Variants in FRMD4B observed in about 807,000 individuals in gnomAD.
FRMD4B encodes the protein FERM domain-containing protein 4B.
FRMD4B carries 74 observed loss-of-function variants against 141.5 expected under a neutral mutation model. That is an observed-to-expected ratio of 0.52 (90% CI 0.43 to 0.63). The LOEUF is 0.63. FRMD4B is among the 30% of genes least tolerant of loss of function. The pLI is 0.00. For synonymous variants in FRMD4B, 506 were observed against 467.9 expected (o/e 1.08, Z -1.05); for missense variants, 1,366 against 1,253.4 (o/e 1.09, Z -1.36).
At chr3:69,309,747 A>G (rs1246942144) in intron 3 of FRMD4B, among the ~76,000 whole-genome samples, 1 of 151,738 alleles carries the variant, frequency 6.6e-6, no homozygotes, top group Non-Finnish European at 1.5e-5. Flanking sequence ...ACACCCGGCC[A>G]ATATTTTTTC....
intron 5 of FRMD4B, among the ~76,000 whole-genome samples, chr3:69,283,277 C>T (rs562989127): frequency 6.6e-6 from 1 of 151,886 alleles, no homozygotes; most frequent in East Asian, 2.0e-4. Flanking sequence ...CTCAGCTACT[C>T]GGGAAGCTGA....
At chr3:69,505,651 G>A (rs908111829) in intron 1 of FRMD4B, among the ~76,000 whole-genome samples, 1 of 152,180 alleles carries the variant, frequency 6.6e-6, no homozygotes, top group Non-Finnish European at 1.5e-5. Flanking sequence ...TAGCACCTAA[G>A]AAGCCAAGTA....
chr3:69,261,544 T>C (rs1354105651), intron 5 of FRMD4B, among the ~76,000 whole-genome samples: 2 of 152,258 alleles, frequency 1.3e-5, no homozygotes, highest in African/African-American at 4.8e-5. Context: ...TTCTTTGCAA[T>C]GTCCGTGGTA....
intron 2 of FRMD4B, among the ~76,000 whole-genome samples, chr3:69,423,955 G>C (rs72939691): frequency 6.6e-6 from 1 of 152,026 alleles, no homozygotes; most frequent in Admixed American, 6.5e-5. Context: ...ATGGTATTTC[G>C]TAACAGCAGC....
chr3:69,457,432 T>C (rs1463223311), intron 1 of FRMD4B, among the ~76,000 whole-genome samples: 3 of 152,176 alleles, frequency 2.0e-5, no homozygotes, highest in Non-Finnish European at 4.4e-5. Flanking sequence ...ATATTGAAGA[T>C]AGAGAAAATA....
chr3:69,381,756 G>GA (rs2106684980), intron 1 of FRMD4B, among the ~76,000 whole-genome samples: 1 of 152,248 alleles, frequency 6.6e-6, no homozygotes, highest in South Asian at 2.1e-4. Context: ...TACTTATCTT[G>GA]AAAAATAGCT....
At chr3:69,317,908 A>G (rs748916469) in intron 1 of FRMD4B, among the ~76,000 whole-genome samples, 2 of 152,114 alleles carry the variant, frequency 1.3e-5, no homozygotes, top group African/African-American at 2.4e-5. Flanking sequence ...GAGTTTCATG[A>G]AACACCCTGT....
At chr3:69,343,278 T>A (rs929514267) in intron 1 of FRMD4B, among the ~76,000 whole-genome samples, 1 of 152,080 alleles carries the variant, frequency 6.6e-6, no homozygotes, top group Admixed American at 6.6e-5. Flanking sequence ...ATTACCCCCA[T>A]CAGAAGCCCA....
intron 17 of FRMD4B, among the ~76,000 whole-genome samples, chr3:69,192,604 T>A (rs1427049551): frequency 6.6e-6 from 1 of 152,166 alleles, no homozygotes; most frequent in East Asian, 1.9e-4. Flanking sequence ...AAATACATAA[T>A]GTTGAGAACT....
At chr3:69,460,030 A>G (rs1201235088) in intron 1 of FRMD4B, among the ~76,000 whole-genome samples, 1 of 152,240 alleles carries the variant, frequency 6.6e-6, no homozygotes, top group Non-Finnish European at 1.5e-5. Flanking sequence ...GTAAATGTTT[A>G]TTGAATGAAT....
At chr3:69,213,280 T>C (rs1427097660) in intron 11 of FRMD4B, among the ~76,000 whole-genome samples, 1 of 151,966 alleles carries the variant, frequency 6.6e-6, no homozygotes, top group South Asian at 2.1e-4. Context: ...AAATGGGGAT[T>C]GCAGAAGACT....
rs780589579 is a variant in FRMD4B at position 69,181,638 on chromosome 3, C to T, written c.2112G>A (p.Glu704=). The T allele has an allele frequency of 1.9e-6, 3 of 1,613,034 alleles. No homozygotes were observed. Among genetic ancestry groups the T allele is most frequent in the Admixed American group, 3.3e-5 (2 of 60,004 alleles). Residue 704 remains glutamate, a synonymous_variant, in exon 21 of 23, where the codon GAG becomes GAA. Transcript: ENST00000398540. ...SLESQSHLLS[E]MDSDKPFFSL... ...AGAAAAATGGCTTATCGCTGTCCAT[C>T]TCGGAGAGCAGGTGGGACTGGGACT...
intron 5 of FRMD4B, among the ~76,000 whole-genome samples, chr3:69,280,601 A>G (rs561174582): frequency 1.6e-4 from 24 of 152,270 alleles, no homozygotes; most frequent in African/African-American, 4.8e-4. Flanking sequence ...TGTCATGGAT[A>G]TGCCTCCCCC....
At chr3:69,291,910 CTTTTTTTTTTTTT>C (rs35703345) in intron 4 of FRMD4B, among the ~76,000 whole-genome samples, 3 of 105,500 alleles carry the variant, frequency 2.8e-5, no homozygotes, top group South Asian at 7.1e-4. Context: ...ACAGGAATCT[CTTTTTTTTTTTTT>C]TTTTTTTTTT....
At chr3:69,405,325 A>G (rs961403515) in intron 2 of FRMD4B, among the ~76,000 whole-genome samples, 7 of 152,238 alleles carry the variant, frequency 4.6e-5, no homozygotes, top group Non-Finnish European at 1.0e-4. Context: ...TCAGAGAGGA[A>G]AGAGAGCTCT....
At chr3:69,323,219 C>T (rs1002531943) in intron 1 of FRMD4B, among the ~76,000 whole-genome samples, 1 of 152,088 alleles carries the variant, frequency 6.6e-6, no homozygotes, top group Non-Finnish European at 1.5e-5. Context: ...ACAAAGATAA[C>T]AGCTGCTGAC....
intron 1 of FRMD4B, among the ~76,000 whole-genome samples, chr3:69,500,613 C>T (rs1430401549): frequency 6.6e-6 from 1 of 152,060 alleles, no homozygotes; most frequent in African/African-American, 2.4e-5. Context: ...AGGTACTACC[C>T]CTGGGCCTCA....
intron 3 of FRMD4B, among the ~76,000 whole-genome samples, chr3:69,304,423 G>T (rs1047854652): frequency 2.0e-5 from 3 of 148,260 alleles, no homozygotes; most frequent in Non-Finnish European, 4.4e-5. Flanking sequence ...GGCGGAGGTT[G>T]CAGTGAGCCG....
At chr3:69,261,907 G>T (rs1409549342) in intron 5 of FRMD4B, among the ~76,000 whole-genome samples, 2 of 150,788 alleles carry the variant, frequency 1.3e-5, no homozygotes, top group Non-Finnish European at 2.9e-5. Context: ...TCTTGACCTT[G>T]TGATCAGCCC....
Sources: allele counts gnomAD v4.1 joint callset (sites outside exome capture counted in the v4.1 genomes callset), GRCh38; gene constraint gnomAD v4.1.1; transcripts MANE v1.5; gene names NCBI Gene and HGNC (gene_info 2026-07-23, HGNC 2026-07-21).